The following LAMA4 variants were observed in gnomAD, a reference collection of about 807,000 sequenced individuals.
The protein encoded by LAMA4 is laminin subunit alpha-4.
In LAMA4, 127 loss-of-function variants were observed where a neutral mutation model predicts 207.1. The ratio of observed to expected loss-of-function variants is 0.61; its 90% CI spans 0.53 to 0.71. The LOEUF is 0.71. Among genes scored for constraint, LAMA4 ranks in the 30% least tolerant of loss-of-function variants. The pLI is 0.00. For synonymous variants in LAMA4, 761 were observed against 816.0 expected (o/e 0.93, Z 1.15); for missense variants, 2,093 against 2,246.5 (o/e 0.93, Z 1.38).
intron 2 of LAMA4, among the ~76,000 whole-genome samples, chr6:112,227,345 A>G (rs1418307945): frequency 6.6e-6 from 1 of 152,178 alleles, no homozygotes; most frequent in Non-Finnish European, 1.5e-5. Context: ...CTGGGATTAC[A>G]GGGGTGAACC....
chr6:112,248,953 GA>G lies in LAMA4; in HGVS notation c.195+5002del, dbSNP rs201383756. Among the ~76,000 whole-genome samples, 19 of 152,312 alleles carry G rather than the reference GA, an allele frequency of 1.2e-4. No homozygotes were observed. The East Asian group carries it at 3.7e-3, about 29-fold the overall frequency. On this transcript the variant is annotated intron_variant, in intron 2 of 38. Coordinates refer to ENST00000230538, the MANE Select transcript of LAMA4 (RefSeq NM_001105206.3). ...TATAATTTTCACTATTTAGTATTAA[GA>G]CAATTCATGGAGGTTGATGGGACAT...
At chr6:112,193,481 A>C (rs1187854825) in intron 5 of LAMA4, among the ~76,000 whole-genome samples, 1 of 151,984 alleles carries the variant, frequency 6.6e-6, no homozygotes, top group Non-Finnish European at 1.5e-5. Flanking sequence ...CATAAAAAAA[A>C]ATCACATCTG....
chr6:112,214,431 A>C (rs1784516606), intron 3 of LAMA4, among the ~76,000 whole-genome samples: 1 of 151,972 alleles, frequency 6.6e-6, no homozygotes, highest in Admixed American at 6.6e-5. Context: ...ATATATCTAT[A>C]TGTGTCGCTC....
At chr6:112,169,410 G>A (rs1168093080) in intron 12 of LAMA4, among the ~76,000 whole-genome samples, 2 of 152,216 alleles carry the variant, frequency 1.3e-5, no homozygotes, top group Non-Finnish European at 2.9e-5. Context: ...GCTAATCCAC[G>A]TGGCTATTCC....
chr6:112,142,788 T>A (rs1182662695), intron 19 of LAMA4, among the ~76,000 whole-genome samples: 3 of 152,202 alleles, frequency 2.0e-5, no homozygotes, highest in Non-Finnish European at 4.4e-5. Context: ...CTGGACTAGC[T>A]TTGTAGTCTC....
chr6:112,135,924 A>G (rs1779311464), intron 25 of LAMA4, 199 bp downstream of exon 25: 1 of 519,900 alleles, frequency 1.9e-6, no homozygotes. Context: ...TTGGAACATC[A>G]ACAGGAAAAA....
intron 2 of LAMA4, among the ~76,000 whole-genome samples, chr6:112,249,255 C>T (rs782620475): frequency 5.9e-5 from 9 of 151,800 alleles, no homozygotes; most frequent in Admixed American, 1.3e-4. Context: ...CTATCTTGGC[C>T]AACATGGTGA....
At chr6:112,165,340 G>A in intron 12 of LAMA4, 64 bp from the exon 13 acceptor site, 1 of 1,059,858 alleles carries the variant, frequency 9.4e-7, no homozygotes. Flanking sequence ...GTTGGGGAGA[G>A]CAGTAAATGT....
In LAMA4 at chr6:112,141,342, C is replaced by A. The variant is rs1583695425; in HGVS notation, c.2813+16G>T. ...TGATATGTGCATATATGCCCTGTGT[C>A]ATGGATTCACTGTACCTTTCAATCT... On this transcript the variant is annotated intron_variant, in intron 21 of 38. Transcript: ENST00000230538. 5 of 1,613,702 alleles carry A rather than the reference C, an allele frequency of 3.1e-6. No individual in the cohort carries two copies. The highest frequency in any genetic ancestry group is 4.2e-6 in the Non-Finnish European group (5 of 1,179,632).
intron 11 of LAMA4, among the ~76,000 whole-genome samples, chr6:112,174,906 T>C (rs1554343104): frequency 6.6e-6 from 1 of 152,260 alleles, no homozygotes; most frequent in East Asian, 1.9e-4. Flanking sequence ...AAATTTCCAC[T>C]GGAGGCTAAA....
chr6:112,142,095 C>T (rs1779729719), intron 20 of LAMA4, 24 bp downstream of exon 20: 5 of 1,613,018 alleles, frequency 3.1e-6, no homozygotes, highest in Non-Finnish European at 4.2e-6. Context: ...ATATTATTCC[C>T]TCCTTTCAAA....
In LAMA4 at chr6:112,120,491, G is replaced by A. The variant is rs370781506; in HGVS notation, c.4476-19C>T. On this transcript the variant is annotated intron_variant, in intron 32 of 38. Transcript: ENST00000230538. ...CTGAGATCTGGTAAATGAAAAGAAA[G>A]GGATTACCATATGTAAAATGAGACT... 6.3e-7 allele frequency: 1 copy of A among 1,585,082 alleles called. No individual in the cohort carries two copies. Among genetic ancestry groups the A allele is most frequent in the African/African-American group, 1.3e-5 (1 of 74,456 alleles).
chr6:112,205,801 C>T (rs1784024955), intron 4 of LAMA4, among the ~76,000 whole-genome samples: 2 of 152,114 alleles, frequency 1.3e-5, no homozygotes. Flanking sequence ...TTTCAACCCT[C>T]CCCACCCCCA....
At chr6:112,192,937 G>A (rs1185706861) in intron 5 of LAMA4, among the ~76,000 whole-genome samples, 1 of 152,216 alleles carries the variant, frequency 6.6e-6, no homozygotes. Context: ...AGAAAAAAGT[G>A]GAAATTTGGA....
chr6:112,218,098 C>T (rs961652064), intron 2 of LAMA4: 2 of 152,196 alleles, frequency 1.3e-5, no homozygotes, highest in East Asian at 3.9e-4. Context: ...GGTCATGACC[C>T]ATAAAATTGA....
chr6:112,168,255 G>T (rs1554340698), intron 12 of LAMA4, among the ~76,000 whole-genome samples: 2 of 150,984 alleles, frequency 1.3e-5, no homozygotes, highest in African/African-American at 4.9e-5. Context: ...TATATGCTTA[G>T]TGTGATGAAG....
chr6:112,146,289 CAA>C (rs139084496), intron 18 of LAMA4, among the ~76,000 whole-genome samples: 1 of 129,606 alleles, frequency 7.7e-6, no homozygotes, highest in Non-Finnish European at 1.7e-5. Context: ...GACTATGTCT[CAA>C]AAAAAAAAAA....
intron 3 of LAMA4, 41 bp from the exon 4 acceptor site, chr6:112,207,186 G>T (rs199509363): frequency 9.3e-6 from 15 of 1,611,338 alleles, no homozygotes; most frequent in Admixed American, 1.7e-5. Flanking sequence ...GGATGCGAAA[G>T]AAATTTTAGA....
intron 3 of LAMA4, among the ~76,000 whole-genome samples, chr6:112,210,053 G>A (rs1376470579): frequency 1.3e-5 from 2 of 151,926 alleles, no homozygotes; most frequent in Admixed American, 1.3e-4. Flanking sequence ...TCCCACTGCA[G>A]GCCATGTGAA....
Sources: gnomAD v4.1 joint callset for allele counts (sites outside exome capture counted in the v4.1 genomes callset) on GRCh38, gnomAD v4.1.1 for gene constraint, MANE v1.5 for transcripts, NCBI Gene and HGNC (gene_info 2026-07-23, HGNC 2026-07-21) for gene names.